MAP2K6: variants seen among roughly 807,000 people sequenced by gnomAD.
MAP2K6 encodes dual specificity mitogen-activated protein kinase kinase 6.
A neutral mutation model predicts 53.7 loss-of-function variants in MAP2K6; 16 were observed. The observed-to-expected ratio is 0.30, with a 90% CI of 0.20 to 0.45. The LOEUF (loss-of-function observed/expected upper bound fraction) is 0.45, where lower values mean the gene tolerates loss of function less well. Among genes scored for constraint, MAP2K6 ranks in the 20% least tolerant of loss-of-function variants. The pLI, the probability that MAP2K6 is intolerant of heterozygous loss-of-function variation, is 1.00. For synonymous variants in MAP2K6, 132 were observed against 143.1 expected (o/e 0.92, Z 0.55); for missense variants, 204 against 411.9 (o/e 0.50, Z 4.37).
At chr17:69,469,809 GTTGATGACC>G (rs1477066228) in intron 1 of MAP2K6, among the ~76,000 whole-genome samples, 2 of 152,200 alleles carry the variant, frequency 1.3e-5, no homozygotes, top group South Asian at 2.1e-4. Flanking sequence ...CTTTGGGGTG[GTTGATGACC>G]TTGACAAGAG....
At position 69,543,253 on chromosome 17, in the gene MAP2K6, C is replaced by G. The variant is rs1911730822; in HGVS notation, c.*1500C>G. On this transcript the variant is annotated 3_prime_UTR_variant, in exon 12 of 12. Transcript: ENST00000590474. ...GATTTTAAAAAGAAGAAAAAAAAAC[C>G]TTATTTTTTCTTTCTTGGCCTCAAG... is the stretch of plus-strand genomic sequence containing the variant. The G allele has an allele frequency of 6.6e-6, 1 of 152,016 alleles. No individual in the cohort carries two copies. Among genetic ancestry groups the G allele is most frequent in the Admixed American group, 6.6e-5 (1 of 15,262 alleles). 9.4% of individuals were successfully genotyped at this position (152,016 alleles called of 1,614,324 possible).
At chr17:69,535,312 G>A (rs542752591) in intron 10 of MAP2K6, among the ~76,000 whole-genome samples, 6 of 152,186 alleles carry the variant, frequency 3.9e-5, no homozygotes, top group Non-Finnish European at 7.3e-5. Flanking sequence ...GTTATGGGGG[G>A]TTGGGCACAG....
chr17:69,421,280 T>G (rs1338191962), intron 1 of MAP2K6, among the ~76,000 whole-genome samples: 1 of 152,224 alleles, frequency 6.6e-6, no homozygotes, highest in African/African-American at 2.4e-5. Flanking sequence ...ATTTGGAAGT[T>G]GCAAGAACAG....
Position 69,551,926 on chromosome 17 carries a change from A to G in MAP2K6, c.*10173A>G, listed in dbSNP as rs1912116107. 1 of 152,244 alleles carries G rather than the reference A, an allele frequency of 6.6e-6. No individual in the cohort carries two copies. The highest frequency in any genetic ancestry group is 1.5e-5 in the Non-Finnish European group (1 of 68,046). 9.4% of individuals were successfully genotyped at this position (152,244 alleles called of 1,614,324 possible). ...TTTGTGAAAATCTTGATGAGACACT[A>G]GAATTTCTTTATGGAATTGAACTTT... On this transcript the variant is annotated 3_prime_UTR_variant, in exon 12 of 12. Coordinates refer to ENST00000590474, the MANE Select transcript of MAP2K6 (RefSeq NM_002758.4).
intron 1 of MAP2K6, among the ~76,000 whole-genome samples, chr17:69,504,913 C>T (rs1909381732): frequency 6.6e-6 from 1 of 152,156 alleles, no homozygotes; most frequent in African/African-American, 2.4e-5. Context: ...CTATCCCTCT[C>T]TTAAGTTTTT....
chr17:69,463,020 G>A (rs1296356322), intron 1 of MAP2K6, among the ~76,000 whole-genome samples: 2 of 146,028 alleles, frequency 1.4e-5, no homozygotes, highest in African/African-American at 5.1e-5. Flanking sequence ...AAATCCATAC[G>A]GTCAGGATTG....
intron 1 of MAP2K6, among the ~76,000 whole-genome samples, chr17:69,483,958 T>C (rs190770063): frequency 1.2e-4 from 19 of 152,158 alleles, no homozygotes; most frequent in Non-Finnish European, 2.6e-4. Flanking sequence ...AACCAAATAC[T>C]TAAATATAAG....
intron 1 of MAP2K6, chr17:69,505,441 TCAAA>T (rs1909415539): frequency 7.0e-6 from 1 of 142,662 alleles, no homozygotes; most frequent in African/African-American, 6.7e-5. Flanking sequence ...AGACTCTGTC[TCAAA>T]AAAAAAAAAA....
Position 69,502,103 on chromosome 17 carries a change from A to G in MAP2K6, c.17-3677A>G, listed in dbSNP as rs117986291. 3.8e-3 allele frequency: 3,466 copies of G among 916,132 alleles called. 6 individuals are homozygous for G. The highest frequency in any genetic ancestry group is 4.2e-3 in the Non-Finnish European group (3,225 of 767,074). The allele number at this position is 916,132 out of a possible 1,614,324, so 56.8% of individuals were successfully genotyped here. On this transcript the variant is annotated intron_variant, in intron 1 of 11. Coordinates refer to ENST00000590474, the MANE Select transcript of MAP2K6 (RefSeq NM_002758.4). Reference sequence around the variant, plus strand: ...AGAACATGGTACTGTCCAGATTTATAGATTTATTCCTCCAAGTCTGGTTAA... The same window carrying G: ...AGAACATGGTACTGTCCAGATTTATGGATTTATTCCTCCAAGTCTGGTTAA...
chr17:69,535,436 C>T (rs1040838371), intron 10 of MAP2K6, among the ~76,000 whole-genome samples: 2 of 151,756 alleles, frequency 1.3e-5, no homozygotes, highest in African/African-American at 4.8e-5. Context: ...CTACAAGATA[C>T]AAAAATTAGC....
At chr17:69,472,927 G>A (rs955063100) in intron 1 of MAP2K6, among the ~76,000 whole-genome samples, 1 of 152,064 alleles carries the variant, frequency 6.6e-6, no homozygotes, top group East Asian at 1.9e-4. Context: ...GGCTGGTCTC[G>A]AACTCCTGGA....
intron 11 of MAP2K6, among the ~76,000 whole-genome samples, chr17:69,536,939 G>A (rs537152758): frequency 5.3e-5 from 8 of 152,030 alleles, no homozygotes; most frequent in Admixed American, 1.3e-4. Context: ...AAAATTAGCC[G>A]GGCATGGTGG....
chr17:69,456,477 T>G (rs1344078352), intron 1 of MAP2K6, among the ~76,000 whole-genome samples: 1 of 152,206 alleles, frequency 6.6e-6, no homozygotes, highest in African/African-American at 2.4e-5. Flanking sequence ...CCATTGTAAT[T>G]ATCAGATATT....
intron 2 of MAP2K6, among the ~76,000 whole-genome samples, chr17:69,513,092 A>C (rs907029114): frequency 2.6e-5 from 4 of 152,212 alleles, no homozygotes; most frequent in African/African-American, 9.7e-5. Flanking sequence ...TTCCTGCAGA[A>C]TCGCAATGCC....
chr17:69,416,041 T>C (rs1567810566), intron 1 of MAP2K6, among the ~76,000 whole-genome samples: 2 of 152,162 alleles, frequency 1.3e-5, no homozygotes, highest in African/African-American at 4.8e-5. Flanking sequence ...TTCAGAACAA[T>C]TGTTTCTTTA....
In MAP2K6 at chr17:69,544,210, T is replaced by A. The variant is rs1441345494; in HGVS notation, c.*2457T>A. On this transcript the variant is annotated 3_prime_UTR_variant, in exon 12 of 12. Coordinates refer to ENST00000590474, the MANE Select transcript of MAP2K6 (RefSeq NM_002758.4). ...CTGTCCTCATCAGTGGAAATCTCTT[T>A]GTCACTCTGAGAGAAGGCATGTACC... is the stretch of plus-strand genomic sequence containing the variant. The A allele has an allele frequency of 6.6e-6, 1 of 152,208 alleles. No individual in the cohort carries two copies. Among genetic ancestry groups the A allele is most frequent in the Non-Finnish European group, 1.5e-5 (1 of 68,038 alleles). The allele number at this position is 152,208 out of a possible 1,614,324, so 9.4% of individuals were successfully genotyped here.
chr17:69,449,386 T>A (rs1007265391), intron 1 of MAP2K6, among the ~76,000 whole-genome samples: 3 of 151,812 alleles, frequency 2.0e-5, no homozygotes, highest in African/African-American at 7.2e-5. Flanking sequence ...AGTTTACTGT[T>A]ATTTTTCTTT....
chr17:69,454,619 C>T (rs991030042), intron 1 of MAP2K6, among the ~76,000 whole-genome samples: 5 of 151,926 alleles, frequency 3.3e-5, no homozygotes. Flanking sequence ...TCTTGAACCC[C>T]TGACCTCATG....
At chr17:69,428,271 TG>T (rs1906337038) in intron 1 of MAP2K6, among the ~76,000 whole-genome samples, 1 of 152,246 alleles carries the variant, frequency 6.6e-6, no homozygotes, top group Non-Finnish European at 1.5e-5. Flanking sequence ...GCGGCAGGGC[TG>T]GCTCCTTCTG....
Sources: allele counts gnomAD v4.1 joint callset (sites outside exome capture counted in the v4.1 genomes callset), GRCh38; gene constraint gnomAD v4.1.1; transcripts MANE v1.5; gene names NCBI Gene and HGNC (gene_info 2026-07-23, HGNC 2026-07-21).